The following MYO7B variants were observed in gnomAD, a reference collection of about 807,000 sequenced individuals.
MYO7B encodes myosin VIIB.
MYO7B carries 212 observed loss-of-function variants against 259.7 expected under a neutral mutation model. The observed-to-expected ratio is 0.82, with a 90% CI of 0.73 to 0.91. MYO7B has a LOEUF of 0.91. MYO7B is among the 40% of genes least tolerant of loss of function. MYO7B has a pLI of 0.00. For missense variants in MYO7B, 2,732 were observed against 2,813.5 expected (o/e 0.97, Z 0.66); for synonymous variants, 1,197 against 1,166.4 (o/e 1.03, Z -0.54).
At chr2:127,569,670 G>A (rs1304580965) in intron 5 of MYO7B, 119 bp from the exon 6 acceptor site, 6 of 1,312,166 alleles carry the variant, frequency 4.6e-6, no homozygotes, top group South Asian at 1.6e-5. Flanking sequence ...TTCTGCAGGG[G>A]AGAGGCCATC....
chr2:127,565,301 G>A lies in MYO7B; in HGVS notation c.201G>A (p.Val67=), dbSNP rs1035664181. ...SPMHPNSVQG[V]DDMIRLGDLN... is the part of the protein sequence containing the mutation. ...TGCACCCCAACTCAGTCCAGGGTGTGGACGACATGATCCGCCTGGGGGACC... is the reference window on the plus strand; with the variant it reads ...TGCACCCCAACTCAGTCCAGGGTGTAGACGACATGATCCGCCTGGGGGACC... Residue 67 remains valine (V), a synonymous_variant, in exon 4 of 48, where the codon GTG becomes GTA. Coordinates refer to ENST00000409816, the MANE Select transcript of MYO7B (RefSeq NM_001393586.1). The A allele has an allele frequency of 6.2e-7, 1 of 1,613,922 alleles. No individual in the cohort carries two copies. Among genetic ancestry groups the A allele is most frequent in the Admixed American group, 1.7e-5 (1 of 60,012 alleles).
chr2:127,540,095 G>T (rs1256787452), intron 1 of MYO7B, among the ~76,000 whole-genome samples: 6 of 152,008 alleles, frequency 3.9e-5, no homozygotes, highest in African/African-American at 9.7e-5. Context: ...GGACACTTAG[G>T]TTGGTTCCAT....
At chr2:127,604,177 C>G (rs956244975) in intron 19 of MYO7B, among the ~76,000 whole-genome samples, 2 of 152,214 alleles carry the variant, frequency 1.3e-5, no homozygotes, top group Admixed American at 6.5e-5. Context: ...CCACATTTAT[C>G]AATGACCTTA....
chr2:127,578,700 C>T (rs1164478611), intron 9 of MYO7B, among the ~76,000 whole-genome samples: 2 of 152,166 alleles, frequency 1.3e-5, no homozygotes, highest in Non-Finnish European at 2.9e-5. Flanking sequence ...AAAAAAGCAC[C>T]AGCAAGTTAG....
chr2:127,634,338 G>C, intron 41 of MYO7B, 49 bp downstream of exon 41: 1 of 1,383,228 alleles, frequency 7.2e-7, no homozygotes, highest in Non-Finnish European at 9.9e-7. Context: ...GGCAGTGAGC[G>C]AGGCCCTAGG....
chr2:127,634,377 G>C, intron 41 of MYO7B, 88 bp downstream of exon 41: 1 of 1,097,638 alleles, frequency 9.1e-7, no homozygotes, highest in Non-Finnish European at 1.3e-6. Context: ...CAGCCTACCA[G>C]GGGCACCCAT....
intron 1 of MYO7B, among the ~76,000 whole-genome samples, chr2:127,553,999 G>A (rs1190719524): frequency 4.6e-5 from 7 of 152,120 alleles, no homozygotes; most frequent in African/African-American, 1.7e-4. Flanking sequence ...TGCTTTTTCT[G>A]CATCTATTGA....
Position 127,633,316 on chromosome 2 carries a change from G to A in MYO7B, c.5464G>A (p.Val1822Ile), listed in dbSNP as rs200072136. The change falls in exon 40 of 48, where the codon GTC (valine) becomes ATC (isoleucine). Residue 1822 changes from valine to isoleucine, a missense_variant. Val to Ile is a conservative substitution (Grantham distance 29, BLOSUM62 3). Around this residue, in one of 3 missense-constraint regions of MYO7B, gnomAD observed 821 missense variants for 769.3 expected, o/e 1.07. Transcript: ENST00000409816. ...QVEVEAAEQN[V>I]SRICHKIYFP... The stretch of plus-strand genomic sequence containing the variant: ...GGAGGTGGAGGCCGCAGAGCAGAAC[G>A]TCTCCCGCATCTGCCACAAGATCTA... 25 of 1,612,704 alleles carry A rather than the reference G, an allele frequency of 1.6e-5. No individual in the cohort carries two copies. The highest frequency in any genetic ancestry group is 6.7e-5 in the East Asian group (3 of 44,884).
At chr2:127,622,353 C>T (rs1369640312) in intron 28 of MYO7B, among the ~76,000 whole-genome samples, 1 of 152,280 alleles carries the variant, frequency 6.6e-6, no homozygotes, top group South Asian at 2.1e-4. Context: ...ATCACCGGAC[C>T]CACTCATTAG....
chr2:127,612,365 G>A, intron 25 of MYO7B, 38 bp downstream of exon 25: 1 of 1,460,494 alleles, frequency 6.8e-7, no homozygotes, highest in Non-Finnish European at 9.3e-7. Flanking sequence ...CCCAGCTGCT[G>A]CTGGCCTGCT....
chr2:127,576,200 G>GA lies in MYO7B; in HGVS notation c.736-383dup, dbSNP rs879434256. ...GGTGACAGAGCAAGACCTTCTCTCGGAAAAAAAAAAAATACTGAAGGCCTA... is the reference window on the plus strand; with the variant it reads ...GGTGACAGAGCAAGACCTTCTCTCGGAAAAAAAAAAAAATACTGAAGGCCTA... On this transcript the variant is annotated intron_variant, in intron 7 of 47. Transcript: ENST00000409816. This position sits in a 1 kb window ranked among gnomAD's most constrained non-coding sequence, Gnocchi z 4.9. Among the ~76,000 whole-genome samples, 485 of 144,082 alleles carry GA rather than the reference G, an allele frequency of 3.4e-3. 3 individuals carry two copies. Among genetic ancestry groups the GA allele is most frequent in the African/African-American group, 8.9e-3 (353 of 39,492 alleles). 94.5% of individuals were successfully genotyped at this position (144,082 alleles called of 152,430 possible). A position where few individuals can be genotyped will look rare whatever the true frequency, so the allele number is the denominator to read the frequency against.
rs1338089762 is a variant in MYO7B at position 127,545,294 on chromosome 2, G to A, written c.-24+9463G>A. Among the ~76,000 whole-genome samples the A allele has an allele frequency of 3.9e-5, 6 of 152,250 alleles. No homozygotes were observed. The East Asian group carries it at 1.2e-3, about 29-fold the overall frequency. ...TTGTCTTCTACAAATGGTGGCACCAGTTTACCCTTTACCACAGTGCATGGG... is the reference window on the plus strand; with the variant it reads ...TTGTCTTCTACAAATGGTGGCACCAATTTACCCTTTACCACAGTGCATGGG... On this transcript the variant is annotated intron_variant, in intron 1 of 47. Transcript: ENST00000409816.
chr2:127,631,071 G>A lies in MYO7B; in HGVS notation c.4938-135G>A. ...GAGCCTGCCTGGCCTTCCCAGGCCAGGGGAGTCAGGAGGGGCTTGCGGCAG... is the reference window on the plus strand; with the variant it reads ...GAGCCTGCCTGGCCTTCCCAGGCCAAGGGAGTCAGGAGGGGCTTGCGGCAG... On this transcript the variant is annotated intron_variant, in intron 36 of 47. Coordinates refer to ENST00000409816, the MANE Select transcript of MYO7B (RefSeq NM_001393586.1). 4 of 1,395,698 alleles carry A rather than the reference G, an allele frequency of 2.9e-6. No individual in the cohort carries two copies. In the South Asian group the frequency reaches 4.4e-5, roughly 15 times the overall value. 86.5% of individuals were successfully genotyped at this position (1,395,698 alleles called of 1,614,324 possible).
intron 35 of MYO7B, 150 bp downstream of exon 35, chr2:127,629,976 C>A: frequency 1.2e-6 from 1 of 806,472 alleles, no homozygotes; most frequent in East Asian, 3.4e-5. Context: ...ACCATTCCTG[C>A]GGCAAGGTGT....
intron 1 of MYO7B, among the ~76,000 whole-genome samples, chr2:127,551,242 T>C (rs1347138305): frequency 6.6e-6 from 1 of 152,252 alleles, no homozygotes; most frequent in Admixed American, 6.5e-5. Flanking sequence ...CTTCACACAG[T>C]CTTCCCTCTG....
At chr2:127,543,797 T>C (rs1231171324) in intron 1 of MYO7B, among the ~76,000 whole-genome samples, 1 of 151,878 alleles carries the variant, frequency 6.6e-6, no homozygotes, top group Non-Finnish European at 1.5e-5. Flanking sequence ...CAGGCTGGAG[T>C]GCAGTGGCGC....
In MYO7B at chr2:127,615,228, G is replaced by T. The variant is rs1437946726; in HGVS notation, c.3398+2625G>T. Among the ~76,000 whole-genome samples, 1 of 152,198 alleles carries T rather than the reference G, an allele frequency of 6.6e-6. No homozygotes were observed. Among genetic ancestry groups the T allele is most frequent in the Non-Finnish European group, 1.5e-5 (1 of 68,020 alleles). The stretch of plus-strand genomic sequence containing the variant: ...TACCTGGGCCAAGGAAGGAGGAGGG[G>T]TGTTTGCCAGACAGAGGGAAAGGGT... On this transcript the variant is annotated intron_variant, in intron 26 of 47. Transcript: ENST00000409816. This position sits in a 1 kb window ranked among gnomAD's most constrained non-coding sequence, Gnocchi z 4.4.
intron 1 of MYO7B, among the ~76,000 whole-genome samples, chr2:127,537,178 C>G (rs1692816622): frequency 6.6e-6 from 1 of 152,064 alleles, no homozygotes; most frequent in Non-Finnish European, 1.5e-5. Context: ...AAACAGAAAA[C>G]AAAAGGGGAT....
chr2:127,608,703 T>C lies in MYO7B; in HGVS notation c.2644-5T>C, dbSNP rs1429311998. 2 of 1,609,572 alleles carry C rather than the reference T, an allele frequency of 1.2e-6. No homozygotes were observed. The highest frequency in any genetic ancestry group is 2.2e-5 in the East Asian group (1 of 44,776). On this transcript the variant is annotated splice_polypyrimidine_tract_variant and splice_region_variant and intron_variant, in intron 21 of 47. Transcript: ENST00000409816. ...CTGGGTAACCTTCCTCCACGGGGTA[T>C]GCAGGCGCCGCTGGTCATCCCGGCC...
Sources: gnomAD v4.1 joint callset for allele counts (sites outside exome capture counted in the v4.1 genomes callset) on GRCh38, gnomAD v4.1.1 for gene constraint, gnomAD v4.1.1 regional missense constraint, Gnocchi (gnomAD v3.1) non-coding constraint, MANE v1.5 for transcripts, NCBI Gene and HGNC (gene_info 2026-07-23, HGNC 2026-07-21) for gene names.